BARD1: variants seen among roughly 807,000 people sequenced by gnomAD.
The protein encoded by BARD1 is BRCA1-associated RING domain protein 1.
In BARD1, 73 loss-of-function variants were observed where a neutral mutation model predicts 77.0. The ratio of observed to expected loss-of-function variants is 0.95; its 90% CI spans 0.79 to 1.15. The LOEUF (loss-of-function observed/expected upper bound fraction) is 1.15, where lower values mean the gene tolerates loss of function less well. Among genes scored for constraint, BARD1 ranks in the 50% most tolerant of loss-of-function variants. BARD1 has a pLI of 0.00. For synonymous variants in BARD1, 384 were observed against 338.0 expected (o/e 1.14, Z -1.49); for missense variants, 993 against 938.8 (o/e 1.06, Z -0.75).
At chr2:214,752,354 G>C in intron 7 of BARD1, 93 bp downstream of exon 7, 2 of 1,021,714 alleles carry the variant, frequency 2.0e-6, no homozygotes, top group Middle Eastern at 2.6e-4. Context: ...GTGAATGTAA[G>C]CAATTGGTCA....
chr2:214,747,519 T>C (rs1201852098), intron 7 of BARD1, among the ~76,000 whole-genome samples: 5 of 151,256 alleles, frequency 3.3e-5, no homozygotes, highest in African/African-American at 4.9e-5. Context: ...TGGAATACTA[T>C]GCAGCCATAA....
rs570850044 is a variant in BARD1 at position 214,732,616 on chromosome 2, C to T, written c.1904-2108G>A. Among the ~76,000 whole-genome samples, 5 of 152,098 alleles carry T rather than the reference C, an allele frequency of 3.3e-5. No homozygotes were observed. The East Asian group carries it at 5.8e-4, about 18-fold the overall frequency. Reference sequence around the variant, plus strand: ...TTCATCGCGTTAGCCAGGATGGTCTCGATCTCCTGACCTCGTGATCTGCAC... The same window carrying T: ...TTCATCGCGTTAGCCAGGATGGTCTTGATCTCCTGACCTCGTGATCTGCAC... On this transcript the variant is annotated intron_variant, in intron 9 of 10. Transcript: ENST00000260947.
At chr2:214,772,092 C>T (rs1189692482) in intron 4 of BARD1, among the ~76,000 whole-genome samples, 9 of 151,996 alleles carry the variant, frequency 5.9e-5, no homozygotes, top group African/African-American at 1.9e-4. Context: ...TCAGCCTCAG[C>T]AGTATGCTAC....
At chr2:214,797,784 T>TA (rs1276479162) in intron 1 of BARD1, among the ~76,000 whole-genome samples, 6 of 152,230 alleles carry the variant, frequency 3.9e-5, no homozygotes, top group African/African-American at 1.2e-4. Flanking sequence ...AATTGTTCTT[T>TA]AAGCAAATGT....
intron 4 of BARD1, among the ~76,000 whole-genome samples, chr2:214,778,940 A>G (rs1305428432): frequency 6.6e-6 from 1 of 152,214 alleles, no homozygotes; most frequent in African/African-American, 2.4e-5. Flanking sequence ...ATTACTATGT[A>G]TTAGCCAGCA....
intron 4 of BARD1, among the ~76,000 whole-genome samples, chr2:214,777,498 C>A (rs1290688465): frequency 6.6e-6 from 1 of 152,142 alleles, no homozygotes; most frequent in Non-Finnish European, 1.5e-5. Flanking sequence ...ATAGAAACTG[C>A]AAGTTTACCA....
intron 9 of BARD1, among the ~76,000 whole-genome samples, chr2:214,738,690 T>C (rs770995257): frequency 2.6e-4 from 39 of 152,094 alleles, no homozygotes; most frequent in Non-Finnish European, 4.9e-4. Context: ...TCCACAGTTA[T>C]ACAAAAATGA....
chr2:214,727,215 A>C lies in BARD1; in HGVS notation c.*1461T>G, dbSNP rs1692120373. On this transcript the variant is annotated 3_prime_UTR_variant, in exon 11 of 11. Transcript: ENST00000260947. ...CATATATTTCTTGATATGAAAAAACAACATGTCAAAGAAAGAATTAAAGCA... is the reference window on the plus strand; with the variant it reads ...CATATATTTCTTGATATGAAAAAACCACATGTCAAAGAAAGAATTAAAGCA... 4.4e-6 allele frequency: 1 copy of C among 226,464 alleles called. No individual in the cohort carries two copies. The highest frequency in any genetic ancestry group is 2.2e-5 in the African/African-American group (1 of 45,098). 14.0% of individuals were successfully genotyped at this position (226,464 alleles called of 1,614,324 possible).
intron 6 of BARD1, among the ~76,000 whole-genome samples, chr2:214,753,903 G>A (rs1224083700): frequency 6.6e-6 from 1 of 152,094 alleles, no homozygotes; most frequent in East Asian, 1.9e-4. Context: ...TTATGTCCAA[G>A]TCCAACAACC....
At chr2:214,753,443 T>C (rs1442041583) in intron 6 of BARD1, among the ~76,000 whole-genome samples, 1 of 152,170 alleles carries the variant, frequency 6.6e-6, no homozygotes, top group African/African-American at 2.4e-5. Flanking sequence ...TCTTCTATGT[T>C]TTTTTTAAAG....
At chr2:214,753,289 C>A (rs1693543852) in intron 6 of BARD1, among the ~76,000 whole-genome samples, 1 of 152,062 alleles carries the variant, frequency 6.6e-6, no homozygotes, top group South Asian at 2.1e-4. Context: ...TATTGCCCAG[C>A]CTAAAGTCTT....
At chr2:214,792,149 TTAA>T in intron 3 of BARD1, 145 bp downstream of exon 3, 4 of 760,080 alleles carry the variant, frequency 5.3e-6, no homozygotes, top group East Asian at 2.9e-5. Flanking sequence ...CAATGGCTAT[TTAA>T]AAAAAAAAAA....
intron 6 of BARD1, among the ~76,000 whole-genome samples, chr2:214,767,049 C>A (rs1694235640): frequency 6.6e-6 from 1 of 152,124 alleles, no homozygotes; most frequent in Non-Finnish European, 1.5e-5. Flanking sequence ...TCATTTAGCT[C>A]TCACTTATAA....
At chr2:214,784,784 C>T (rs1333389598) in intron 3 of BARD1, among the ~76,000 whole-genome samples, 1 of 152,060 alleles carries the variant, frequency 6.6e-6, no homozygotes, top group African/African-American at 2.4e-5. Flanking sequence ...GAACAGAAAA[C>T]CCAACACTGC....
At chr2:214,764,615 C>T (rs1694111420) in intron 6 of BARD1, among the ~76,000 whole-genome samples, 2 of 152,124 alleles carry the variant, frequency 1.3e-5, no homozygotes, top group Non-Finnish European at 2.9e-5. Flanking sequence ...CCAGACCATC[C>T]AGGGTCTTAT....
At chr2:214,791,027 A>G (rs1695488305) in intron 3 of BARD1, among the ~76,000 whole-genome samples, 1 of 152,202 alleles carries the variant, frequency 6.6e-6, no homozygotes, top group African/African-American at 2.4e-5. Flanking sequence ...AGATGAACTA[A>G]TGACAGAATT....
chr2:214,761,088 T>A (rs1051414990), intron 6 of BARD1, among the ~76,000 whole-genome samples: 1 of 151,682 alleles, frequency 6.6e-6, no homozygotes, highest in African/African-American at 2.4e-5. Flanking sequence ...AAAAAGTCCA[T>A]TTTCTCTTTA....
rs200625966 is a variant in BARD1 at position 214,751,103 on chromosome 2, G to A, written c.1677+1344C>T. Among the ~76,000 whole-genome samples, 25 of 17,590 alleles carry A rather than the reference G, an allele frequency of 1.4e-3. 6 individuals carry two copies. The highest frequency in any genetic ancestry group is 6.4e-3 in the South Asian group (2 of 312). 11.5% of individuals were successfully genotyped at this position (17,590 alleles called of 152,430 possible). On this transcript the variant is annotated intron_variant, in intron 7 of 10. Transcript: ENST00000260947. ...TCTGTGTGTGTGTGTGTGTGTGTGT[G>A]TGTGTGTGTGTGTGTATATATATAT...
At chr2:214,803,562 T>G (rs985698418) in intron 1 of BARD1, among the ~76,000 whole-genome samples, 34 of 152,212 alleles carry the variant, frequency 2.2e-4, no homozygotes, top group Admixed American at 2.6e-4. Context: ...CTTAATCCTT[T>G]ACCTTGTCTA....
Sources: allele counts gnomAD v4.1 joint callset (sites outside exome capture counted in the v4.1 genomes callset), GRCh38; gene constraint gnomAD v4.1.1; transcripts MANE v1.5; gene names NCBI Gene and HGNC (gene_info 2026-07-23, HGNC 2026-07-21).